The following ZNF280D variants were observed in gnomAD, a reference collection of about 807,000 sequenced individuals.
ZNF280D encodes zinc finger protein 280D.
Under a neutral mutation model 94.7 loss-of-function variants are expected in ZNF280D, and 39 were observed. The observed-to-expected ratio is 0.41, with a 90% CI of 0.32 to 0.54. The LOEUF is 0.54. Among genes scored for constraint, ZNF280D ranks in the 20% least tolerant of loss-of-function variants. ZNF280D has a pLI of 0.22. For synonymous variants in ZNF280D, 398 were observed against 377.6 expected, an observed-to-expected ratio of 1.05 and a Z score of -0.63; for missense variants, 1,090 against 1,149.3, an observed-to-expected ratio of 0.95 and a Z score of 0.75.
At chr15:56,702,957 ACACG>A (rs1320482576) in intron 4 of ZNF280D, among the ~76,000 whole-genome samples, 6 of 132,034 alleles carry the variant, frequency 4.5e-5, no homozygotes, top group Non-Finnish European at 8.3e-5. Flanking sequence ...ACACACACAC[ACACG>A]CTGGTAAACT....
chr15:56,708,806 T>G (rs795033), intron 1 of ZNF280D, among the ~76,000 whole-genome samples: 149,345 of 152,032 alleles, frequency 0.98, 73,419 homozygotes, highest in East Asian at 1. Flanking sequence ...GCTAGCCATA[T>G]GTAGAAAGCT....
At chr15:56,637,366 G>C (rs1173555448) in intron 20 of ZNF280D, among the ~76,000 whole-genome samples, 4 of 149,296 alleles carry the variant, frequency 2.7e-5, no homozygotes, top group Non-Finnish European at 5.9e-5. Context: ...TTTTTTTGTA[G>C]AGACGAAGTC....
intron 19 of ZNF280D, among the ~76,000 whole-genome samples, chr15:56,648,244 T>C (rs927053431): frequency 2.6e-5 from 4 of 152,096 alleles, no homozygotes; most frequent in African/African-American, 9.7e-5. Context: ...TTAATCCTAC[T>C]AAAAGACCAG....
chr15:56,714,543 G>T (rs2057935702), intron 1 of ZNF280D, among the ~76,000 whole-genome samples: 1 of 152,138 alleles, frequency 6.6e-6, no homozygotes, highest in Non-Finnish European at 1.5e-5. Context: ...ATTCAGTCTT[G>T]AAAGAAGTGG....
chr15:56,728,177 C>T (rs1306745880), intron 1 of ZNF280D, among the ~76,000 whole-genome samples: 1 of 152,146 alleles, frequency 6.6e-6, no homozygotes, highest in Non-Finnish European at 1.5e-5. Flanking sequence ...GCACATGCCA[C>T]TACACCCGGC....
intron 9 of ZNF280D, among the ~76,000 whole-genome samples, chr15:56,686,566 C>T (rs2056029488): frequency 6.6e-6 from 1 of 152,136 alleles, no homozygotes; most frequent in African/African-American, 2.4e-5. Flanking sequence ...TGGTGTTTCC[C>T]AATCCAGGAC....
At chr15:56,683,691 T>A (rs1398564293) in intron 9 of ZNF280D, among the ~76,000 whole-genome samples, 1 of 152,168 alleles carries the variant, frequency 6.6e-6, no homozygotes, top group African/African-American at 2.4e-5. Flanking sequence ...GGAGGTGAGA[T>A]CCTATTTTTA....
intron 19 of ZNF280D, among the ~76,000 whole-genome samples, chr15:56,644,008 G>A (rs1156395464): frequency 6.6e-6 from 1 of 151,692 alleles, no homozygotes; most frequent in Admixed American, 6.6e-5. Flanking sequence ...ATCCTTTGAG[G>A]GCATATTTGA....
intron 16 of ZNF280D, among the ~76,000 whole-genome samples, chr15:56,663,961 G>A (rs1404170703): frequency 6.6e-6 from 1 of 151,920 alleles, no homozygotes. Context: ...GATATCCCTG[G>A]GTTTATTACA....
chr15:56,654,495 G>T lies in ZNF280D; in HGVS notation c.2066C>A (p.Thr689Asn). ...KKHSENLRGITLVCLNCDFLS... is the reference protein window; with the variant it reads ...KKHSENLRGINLVCLNCDFLS... ...GAAATCACAATTAAGGCACACTAGAGTAATGCCCCTAAAAAAAAAAGCATT... is the reference window on the plus strand; with the variant it reads ...GAAATCACAATTAAGGCACACTAGATTAATGCCCCTAAAAAAAAAAGCATT... The change falls in exon 18 of 22, where the codon ACT becomes AAT. Residue 689 changes from threonine to asparagine, a missense_variant. By Grantham distance (65) the Thr-to-Asn change is moderately conservative. Transcript: ENST00000267807. 6.4e-7 allele frequency: 1 copy of T among 1,571,976 alleles called. No individual in the cohort carries two copies. The highest frequency in any genetic ancestry group is 8.6e-7 in the Non-Finnish European group (1 of 1,167,214).
chr15:56,687,645 C>T (rs1482510582), intron 9 of ZNF280D, among the ~76,000 whole-genome samples: 3 of 152,044 alleles, frequency 2.0e-5, no homozygotes, highest in Admixed American at 2.0e-4. Context: ...AAAAATTAAA[C>T]AGATAAAGAA....
chr15:56,722,849 C>A (rs1434246336), intron 1 of ZNF280D, among the ~76,000 whole-genome samples: 1 of 151,754 alleles, frequency 6.6e-6, no homozygotes, highest in Non-Finnish European at 1.5e-5. Flanking sequence ...CAATGATAGA[C>A]TGGATTAAGA....
At chr15:56,733,247 G>A (rs1203858829) in intron 1 of ZNF280D, among the ~76,000 whole-genome samples, 1 of 152,026 alleles carries the variant, frequency 6.6e-6, no homozygotes, top group Non-Finnish European at 1.5e-5. Context: ...GTCGCGCCGG[G>A]ATACCTCCTC....
intron 13 of ZNF280D, among the ~76,000 whole-genome samples, chr15:56,675,980 T>G (rs1282609913): frequency 6.6e-6 from 1 of 151,520 alleles, no homozygotes; most frequent in Non-Finnish European, 1.5e-5. Context: ...GATGGTTTAA[T>G]TGCTTCAGGA....
chr15:56,717,929 G>A (rs1255292714), intron 1 of ZNF280D, among the ~76,000 whole-genome samples: 4 of 151,972 alleles, frequency 2.6e-5, no homozygotes, highest in Admixed American at 6.6e-5. Flanking sequence ...TATCAAAAAC[G>A]AAGATGAACT....
intron 7 of ZNF280D, among the ~76,000 whole-genome samples, chr15:56,690,639 G>T (rs2056372290): frequency 6.6e-6 from 1 of 152,060 alleles, no homozygotes. Context: ...AAGGCTGAAG[G>T]ATTTTAGTTT....
At chr15:56,681,785 T>C (rs1258238077) in intron 10 of ZNF280D, among the ~76,000 whole-genome samples, 1 of 152,064 alleles carries the variant, frequency 6.6e-6, no homozygotes, top group African/African-American at 2.4e-5. Flanking sequence ...AACTGATACA[T>C]CTCTAAAACT....
intron 1 of ZNF280D, among the ~76,000 whole-genome samples, chr15:56,722,864 G>A (rs1457539754): frequency 6.6e-6 from 1 of 151,892 alleles, no homozygotes; most frequent in East Asian, 1.9e-4. Context: ...TTAAGAAAAT[G>A]TGGCACATAT....
chr15:56,654,516 G>T lies in ZNF280D; in HGVS notation c.2058-13C>A. The T allele has an allele frequency of 1.3e-6, 2 of 1,497,982 alleles. No homozygotes were observed. The highest frequency in any genetic ancestry group is 1.8e-6 in the Non-Finnish European group (2 of 1,110,864). The allele number at this position is 1,497,982 out of a possible 1,614,324, so 92.8% of individuals were successfully genotyped here. On this transcript the variant is annotated splice_polypyrimidine_tract_variant and intron_variant, in intron 17 of 21. Transcript: ENST00000267807. ...TAGAGTAATGCCCCTAAAAAAAAAA[G>T]CATTAAAAAAAGATTTTTATCTTTT...
Sources: allele counts gnomAD v4.1 joint callset (sites outside exome capture counted in the v4.1 genomes callset), GRCh38; gene constraint gnomAD v4.1.1; transcripts MANE v1.5; gene names NCBI Gene and HGNC (gene_info 2026-07-23, HGNC 2026-07-21).